Variants in MEI4 observed in about 807,000 individuals in gnomAD.
MEI4 encodes the protein meiosis-specific protein MEI4.
Under a neutral mutation model 31.4 loss-of-function variants are expected in MEI4, and 27 were observed. The observed-to-expected ratio is 0.86, with a 90% CI of 0.63 to 1.19. The LOEUF (loss-of-function observed/expected upper bound fraction) is 1.19. Among genes scored for constraint, MEI4 ranks in the 50% most tolerant of loss-of-function variants. The probability of loss-of-function intolerance (pLI) is 0.00; values close to 1 mark genes in which losing one functional copy is unlikely to be tolerated. For synonymous variants in MEI4, 122 were observed against 145.4 expected (o/e 0.84, Z 1.16); for missense variants, 329 against 398.9 (o/e 0.82, Z 1.49).
rs144803732 is a variant in MEI4, at chr6:77,893,936, A to G, written c.901-29153A>G. ...TCCTTAAAAAAATTTCTCCCATATA[A>G]CAAACCTGCTCATGTACCCCCTGAA... On this transcript the variant is annotated intron_variant, in intron 4 of 4. Coordinates refer to ENST00000684080, the MANE Select transcript of MEI4 (RefSeq NM_001322247.2). Among the ~76,000 whole-genome samples, 213 of 152,274 alleles carry G rather than the reference A, an allele frequency of 1.4e-3. 1 individual carries two copies. The highest frequency in any genetic ancestry group is 4.5e-3 in the African/African-American group (187 of 41,560).
chr6:77,709,460 G>A (rs1376899876), intron 2 of MEI4, among the ~76,000 whole-genome samples: 1 of 151,952 alleles, frequency 6.6e-6, no homozygotes, highest in African/African-American at 2.4e-5. Context: ...TTATTTTCAT[G>A]GAGTAAGTTT....
chr6:77,667,958 A>T (rs1400947144), intron 1 of MEI4, among the ~76,000 whole-genome samples: 1 of 116,260 alleles, frequency 8.6e-6, no homozygotes, highest in Admixed American at 9.1e-5. Flanking sequence ...GATCTAGCTT[A>T]AAAAAAAAAA....
intron 3 of MEI4, among the ~76,000 whole-genome samples, chr6:77,780,568 T>C (rs1318186785): frequency 1.3e-5 from 2 of 152,150 alleles, no homozygotes; most frequent in African/African-American, 2.4e-5. Flanking sequence ...AATGCAGCTG[T>C]TGGCACAGGC....
At chr6:77,828,785 A>G (rs1353192322) in intron 3 of MEI4, 146 bp from the exon 4 acceptor site, 3 of 507,978 alleles carry the variant, frequency 5.9e-6, no homozygotes, top group Non-Finnish European at 9.2e-6. Context: ...TAATTTGTGT[A>G]TTTTATGGTT....
In MEI4 at chr6:77,788,273, A is replaced by G. The variant is rs148916595; in HGVS notation, c.768+26608A>G. 3.4e-3 allele frequency among the ~76,000 whole-genome samples: 511 copies of G among 152,336 alleles called. 2 individuals carry two copies. Among genetic ancestry groups the G allele is most frequent in the African/African-American group, 0.012 (498 of 41,580 alleles). On this transcript the variant is annotated intron_variant, in intron 3 of 4. Transcript: ENST00000684080. ...TACCTCAAAATAATAAGAGCTATCTATGAGAAGCCCACAGCCAATATCATA... is the reference window on the plus strand; with the variant it reads ...TACCTCAAAATAATAAGAGCTATCTGTGAGAAGCCCACAGCCAATATCATA...
At chr6:77,752,765 T>A (rs1234609895) in intron 2 of MEI4, among the ~76,000 whole-genome samples, 1 of 152,136 alleles carries the variant, frequency 6.6e-6, no homozygotes, top group Non-Finnish European at 1.5e-5. Context: ...TAATTTAAAT[T>A]TCATTTGGAA....
At chr6:77,664,349 T>C (rs1352109436) in intron 1 of MEI4, among the ~76,000 whole-genome samples, 1 of 152,172 alleles carries the variant, frequency 6.6e-6, no homozygotes, top group Non-Finnish European at 1.5e-5. Context: ...AGTCATGAAG[T>C]GGGCTGGATT....
At chr6:77,884,572 G>A (rs1243417529) in intron 4 of MEI4, among the ~76,000 whole-genome samples, 1 of 151,950 alleles carries the variant, frequency 6.6e-6, no homozygotes, top group Non-Finnish European at 1.5e-5. Context: ...TTTTTCCTTT[G>A]GATATCCAGT....
chr6:77,833,826 C>G (rs138780512), intron 4 of MEI4, among the ~76,000 whole-genome samples: 1 of 152,140 alleles, frequency 6.6e-6, no homozygotes, highest in Non-Finnish European at 1.5e-5. Flanking sequence ...TGATGTTCCC[C>G]TCCCTGGGTC....
rs1186407989 is a variant in MEI4, at chr6:77,924,722, A to T, written c.*1376A>T. 1 of 151,784 alleles carries T rather than the reference A, an allele frequency of 6.6e-6. No individual in the cohort carries two copies. The highest frequency in any genetic ancestry group is 2.4e-5 in the African/African-American group (1 of 41,372). 9.4% of individuals were successfully genotyped at this position (151,784 alleles called of 1,614,324 possible). ...GGAAGCTCCTCTCATGGCAGTGGCAATTGAGCAAGACGAAAGGCTAGGCTG... is the reference window on the plus strand; with the variant it reads ...GGAAGCTCCTCTCATGGCAGTGGCATTTGAGCAAGACGAAAGGCTAGGCTG... On this transcript the variant is annotated 3_prime_UTR_variant, in exon 5 of 5. Transcript: ENST00000684080.
intron 3 of MEI4, among the ~76,000 whole-genome samples, chr6:77,799,744 A>G (rs1769193537): frequency 6.6e-6 from 1 of 152,138 alleles, no homozygotes; most frequent in South Asian, 2.1e-4. Flanking sequence ...CATTTATTAA[A>G]TAGGGAATCC....
intron 4 of MEI4, among the ~76,000 whole-genome samples, chr6:77,836,328 A>T (rs902320564): frequency 6.6e-6 from 1 of 152,300 alleles, no homozygotes; most frequent in Admixed American, 6.5e-5. Flanking sequence ...AGCACAGGTG[A>T]AATCTGAATT....
At chr6:77,736,851 A>T (rs142309874) in intron 2 of MEI4, among the ~76,000 whole-genome samples, 1 of 109,466 alleles carries the variant, frequency 9.1e-6, no homozygotes, top group African/African-American at 4.1e-5. Context: ...TGTCTTAGAG[A>T]ACAGGACTTT....
chr6:77,905,819 T>C lies in MEI4; in HGVS notation c.901-17270T>C, dbSNP rs1428671890. 2.0e-5 allele frequency among the ~76,000 whole-genome samples: 3 copies of C among 150,940 alleles called. No homozygotes were observed. In the East Asian group the frequency reaches 5.8e-4, roughly 29 times the overall value. ...CCAGCTTTTTTTTTTTTTAATAATA[T>C]AAGATTTCTGTCCCTTTATATTTTT... On this transcript the variant is annotated intron_variant, in intron 4 of 4. Transcript: ENST00000684080.
intron 4 of MEI4, among the ~76,000 whole-genome samples, chr6:77,922,879 CAAGA>C (rs1308186024): frequency 6.6e-6 from 1 of 151,574 alleles, no homozygotes; most frequent in Non-Finnish European, 1.5e-5. Flanking sequence ...CATGAAACAG[CAAGA>C]AAGAAAAGTC....
intron 4 of MEI4, among the ~76,000 whole-genome samples, chr6:77,834,742 G>GTAAAGAT (rs1278141925): frequency 2.0e-5 from 3 of 152,120 alleles, no homozygotes; most frequent in African/African-American, 7.2e-5. Flanking sequence ...GCACTAGAGG[G>GTAAAGAT]TAAAGATTAA....
intron 4 of MEI4, among the ~76,000 whole-genome samples, chr6:77,865,175 G>C (rs1313568958): frequency 6.6e-6 from 1 of 152,104 alleles, no homozygotes; most frequent in African/African-American, 2.4e-5. Flanking sequence ...AAAAGAACTA[G>C]AGAAGCAAGA....
At position 77,707,022 on chromosome 6, in the gene MEI4, T is replaced by C. The variant is rs1766347203; in HGVS notation, c.232+16119T>C. Among the ~76,000 whole-genome samples the C allele has an allele frequency of 3.4e-5, 4 of 119,368 alleles. No individual in the cohort carries two copies. In the South Asian group the frequency reaches 9.8e-4, roughly 29 times the overall value. 78.3% of individuals were successfully genotyped at this position (119,368 alleles called of 152,430 possible). A position where few individuals can be genotyped will look rare whatever the true frequency, so the allele number is the denominator to read the frequency against. On this transcript the variant is annotated intron_variant, in intron 2 of 4. Coordinates refer to ENST00000684080, the MANE Select transcript of MEI4 (RefSeq NM_001322247.2). ...ACGTTGCTATAAAGATACCTGAAAA[T>C]GTGGATGTGGTTTTGAAAGTGGGCA...
chr6:77,789,948 A>G (rs1016444826), intron 3 of MEI4, among the ~76,000 whole-genome samples: 6 of 152,134 alleles, frequency 3.9e-5, no homozygotes, highest in Admixed American at 3.9e-4. Flanking sequence ...ATAAAGACAC[A>G]TGCACACGTA....
Sources: gnomAD v4.1 joint callset for allele counts (sites outside exome capture counted in the v4.1 genomes callset) on GRCh38, gnomAD v4.1.1 for gene constraint, MANE v1.5 for transcripts, NCBI Gene and HGNC (gene_info 2026-07-23, HGNC 2026-07-21) for gene names.